SPOCK3: variants seen among roughly 807,000 people sequenced by gnomAD.
SPOCK3 encodes testican-3.
In SPOCK3, 30 loss-of-function variants were observed where a neutral mutation model predicts 56.6. The observed-to-expected ratio is 0.53, with a 90% confidence interval of 0.40 to 0.72. The LOEUF is 0.72. SPOCK3 is among the 30% of genes least tolerant of loss of function. The probability of loss-of-function intolerance (pLI) is 0.00; values close to 1 mark genes in which losing one functional copy is unlikely to be tolerated. For synonymous variants in SPOCK3, 196 were observed against 183.3 expected, an observed-to-expected ratio of 1.07 and a Z score of -0.56; for missense variants, 527 against 530.0, an observed-to-expected ratio of 0.99 and a Z score of 0.06.
In SPOCK3 at chr4:166,860,805, ATATATATATATG is replaced by A. The variant is rs1029286047; in HGVS notation, c.589+28313_589+28324del. ...CGTGTACATGCACACACAAATTCAT[ATATATATATATG>A]TATATATATATATGCATAAAATATA... On this transcript the variant is annotated intron_variant, in intron 6 of 10. Transcript: ENST00000357545. Among the ~76,000 whole-genome samples the A allele has an allele frequency of 7.8e-5, 11 of 141,392 alleles. No individual in the cohort carries two copies. In the South Asian group the frequency reaches 2.2e-3, roughly 28 times the overall value. 92.8% of individuals were successfully genotyped at this position (141,392 alleles called of 152,430 possible). A position where few individuals can be genotyped will look rare whatever the true frequency, so the allele number is the denominator to read the frequency against.
chr4:166,768,967 A>C (rs1330415005), intron 7 of SPOCK3, among the ~76,000 whole-genome samples: 1 of 152,126 alleles, frequency 6.6e-6, no homozygotes, highest in Non-Finnish European at 1.5e-5. Context: ...TCTTTCTTCC[A>C]GTTGATCAAA....
intron 4 of SPOCK3, among the ~76,000 whole-genome samples, chr4:166,999,264 G>C: frequency 6.6e-6 from 1 of 152,038 alleles, no homozygotes; most frequent in Non-Finnish European, 1.5e-5. Context: ...CAACTCCCTT[G>C]GTTCTAGAAA....
intron 2 of SPOCK3, among the ~76,000 whole-genome samples, chr4:167,084,550 T>C (rs1168541666): frequency 1.3e-5 from 2 of 152,100 alleles, no homozygotes; most frequent in African/African-American, 2.4e-5. Context: ...ACAGCCCTTA[T>C]GTATGTGGAG....
chr4:166,912,879 TTTA>T, intron 4 of SPOCK3, 136 bp from the exon 5 acceptor site: 1 of 718,986 alleles, frequency 1.4e-6, no homozygotes, highest in Non-Finnish European at 2.1e-6. Flanking sequence ...TCATTTTTAA[TTTA>T]TTATTTCATG....
chr4:166,868,466 T>TA (rs1732106461), intron 6 of SPOCK3, among the ~76,000 whole-genome samples: 1 of 151,938 alleles, frequency 6.6e-6, no homozygotes, highest in South Asian at 2.1e-4. Context: ...ACCCTGTCTC[T>TA]AAAAAATTAA....
chr4:167,195,076 G>A (rs1732814990), intron 2 of SPOCK3, among the ~76,000 whole-genome samples: 3 of 152,118 alleles, frequency 2.0e-5, no homozygotes, highest in Admixed American at 2.0e-4. Context: ...GTTCCAGGGT[G>A]GGCAGTACTG....
intron 8 of SPOCK3, among the ~76,000 whole-genome samples, chr4:166,752,824 A>T (rs17052580): frequency 6.6e-6 from 1 of 152,124 alleles, no homozygotes; most frequent in African/African-American, 2.4e-5. Context: ...CAATTAAAGT[A>T]ATGAAATGTT....
At chr4:167,032,390 CTG>C (rs529072785) in intron 3 of SPOCK3, among the ~76,000 whole-genome samples, 148 of 151,956 alleles carry the variant, frequency 9.7e-4, no homozygotes, top group African/African-American at 3.3e-3. Flanking sequence ...ATAAAATAAA[CTG>C]AGGAATGAAG....
At chr4:166,931,247 G>T (rs1038153699) in intron 4 of SPOCK3, among the ~76,000 whole-genome samples, 4 of 151,818 alleles carry the variant, frequency 2.6e-5, no homozygotes, top group African/African-American at 9.7e-5. Flanking sequence ...CTCTCAAAGT[G>T]CCGGGATTTC....
chr4:166,958,541 T>C (rs1157931812), intron 4 of SPOCK3, among the ~76,000 whole-genome samples: 1 of 152,158 alleles, frequency 6.6e-6, no homozygotes, highest in East Asian at 1.9e-4. Flanking sequence ...CCTTGACCCC[T>C]CAGTATTTTC....
intron 7 of SPOCK3, among the ~76,000 whole-genome samples, chr4:166,781,641 C>T (rs1039027644): frequency 6.6e-6 from 1 of 151,972 alleles, no homozygotes; most frequent in South Asian, 2.1e-4. Flanking sequence ...TGAAAGACAT[C>T]AAACCACAGA....
chr4:167,095,045 T>C (rs1327974046), intron 2 of SPOCK3, among the ~76,000 whole-genome samples: 1 of 152,094 alleles, frequency 6.6e-6, no homozygotes, highest in Non-Finnish European at 1.5e-5. Flanking sequence ...AGGAAGGCAT[T>C]CTTTCTTACT....
At chr4:167,057,911 T>A (rs1755089710) in intron 3 of SPOCK3, among the ~76,000 whole-genome samples, 1 of 152,128 alleles carries the variant, frequency 6.6e-6, no homozygotes, top group Non-Finnish European at 1.5e-5. Context: ...ACCCAGGAGT[T>A]AAACTCAGCT....
chr4:167,013,246 T>C (rs921968036), intron 3 of SPOCK3, among the ~76,000 whole-genome samples: 1 of 151,940 alleles, frequency 6.6e-6, no homozygotes, highest in South Asian at 2.1e-4. Flanking sequence ...AGCTACTACA[T>C]TGACAAATCA....
chr4:166,883,643 T>C (rs904972342), intron 6 of SPOCK3, among the ~76,000 whole-genome samples: 4 of 152,196 alleles, frequency 2.6e-5, no homozygotes, highest in Non-Finnish European at 5.9e-5. Context: ...ATTTTTGTAC[T>C]TTATTGCTGG....
In SPOCK3 at chr4:167,116,911, G is replaced by GTATATA. The variant is rs1279038321; in HGVS notation, c.190-54375_190-54374insTATATA. Among the ~76,000 whole-genome samples the GTATATA allele has an allele frequency of 7.8e-5, 9 of 115,388 alleles. No individual in the cohort carries two copies. In the East Asian group the frequency reaches 9.4e-4, roughly 12 times the overall value. 75.7% of individuals were successfully genotyped at this position (115,388 alleles called of 152,430 possible). A position where few individuals can be genotyped will look rare whatever the true frequency, so the allele number is the denominator to read the frequency against. On this transcript the variant is annotated intron_variant, in intron 2 of 10. Coordinates refer to ENST00000357545, the MANE Select transcript of SPOCK3 (RefSeq NM_001040159.2). Reference sequence around the variant, plus strand: ...TACATATATACTTTTGTGTGTGTGTGTGTATATATATATATATATATACTT... The same window carrying GTATATA: ...TACATATATACTTTTGTGTGTGTGTGTATATATGTATATATATATATATATATACTT...
Position 166,787,197 on chromosome 4 carries a change from G to T in SPOCK3, c.709+4973C>A, listed in dbSNP as rs529097532. Among the ~76,000 whole-genome samples the T allele has an allele frequency of 4.6e-5, 7 of 152,168 alleles. No individual in the cohort carries two copies. The South Asian group carries it at 1.5e-3, about 32-fold the overall frequency. On this transcript the variant is annotated intron_variant, in intron 7 of 10. Transcript: ENST00000357545. ...AAATGACCATTTTAATGAACATTAC[G>T]TTAATAATTTAAATGTAATTGGAGA...
chr4:166,976,165 G>C (rs1028771910), intron 4 of SPOCK3, among the ~76,000 whole-genome samples: 7 of 151,882 alleles, frequency 4.6e-5, no homozygotes, highest in Non-Finnish European at 1.5e-5. Context: ...AAAAATGTCT[G>C]TTCCTACCAC....
chr4:166,887,981 G>T (rs1165638316), intron 6 of SPOCK3, among the ~76,000 whole-genome samples: 2 of 151,622 alleles, frequency 1.3e-5, no homozygotes, highest in Non-Finnish European at 2.9e-5. Context: ...TTTTCAAATC[G>T]GCTAATTTAT....
Sources: allele counts gnomAD v4.1 joint callset (sites outside exome capture counted in the v4.1 genomes callset), GRCh38; gene constraint gnomAD v4.1.1; transcripts MANE v1.5; gene names NCBI Gene and HGNC (gene_info 2026-07-23, HGNC 2026-07-21).